The following AKAP4 variants were observed in gnomAD, a reference collection of about 807,000 sequenced individuals.
The protein encoded by AKAP4 is A-kinase anchoring protein 4.
In AKAP4, 4 loss-of-function variants were observed where a neutral mutation model predicts 42.6. The observed-to-expected ratio is 0.09, with a 90% CI of 0.05 to 0.22. The LOEUF is 0.22. Among genes scored for constraint, AKAP4 ranks in the 10% least tolerant of loss-of-function variants. The pLI, the probability that AKAP4 is intolerant of heterozygous loss-of-function variation, is 1.00. For missense variants in AKAP4, 551 were observed against 630.7 expected, an observed-to-expected ratio of 0.87 and a Z score of 1.35; for synonymous variants, 223 against 233.0, an observed-to-expected ratio of 0.96 and a Z score of 0.39.
intron 4 of AKAP4, 41 bp downstream of exon 4, chrX:50,196,850 C>A (rs1557204401): frequency 9.8e-7 from 1 of 1,021,154 alleles, no homozygotes; most frequent in Non-Finnish European, 1.4e-6. Context: ...TCATTGAGCT[C>A]TGAGAATTAG....
chrX:50,197,447 C>G (rs932143632), intron 3 of AKAP4, 97 bp downstream of exon 3: 9 of 800,295 alleles, frequency 1.1e-5, no homozygotes, highest in Non-Finnish European at 1.4e-5. Context: ...TCCTCCTTTC[C>G]CCTCTCTCCC....
At chrX:50,198,606 C>T (rs782443328) in intron 2 of AKAP4, 51 bp downstream of exon 2, 3 of 975,805 alleles carry the variant, frequency 3.1e-6, no homozygotes, top group Non-Finnish European at 4.4e-6. Context: ...GATATCTATA[C>T]CCATATGCCA....
rs1569541742 is a variant in AKAP4 at position 50,192,983 on chromosome X, T to C, written c.1730A>G (p.Tyr577Cys). 1.7e-6 allele frequency: 2 copies of C among 1,211,906 alleles called. No homozygotes were observed. Among genetic ancestry groups the C allele is most frequent in the East Asian group, 5.9e-5 (2 of 33,836 alleles). ...TTCATATTGAGTACTCTGAGCCATA[T>C]AGCCCATGGTGGAACCAGGACAGTC... is the stretch of plus-strand genomic sequence containing the variant. Reference protein sequence around the residue: ...EEDCPGSTMGYMAQSTQYEKC... With the variant: ...EEDCPGSTMGCMAQSTQYEKC... The change falls in exon 5 of 6, where the codon TAT (tyrosine) becomes TGT (cysteine). Residue 577 changes from tyrosine (Y) to cysteine (C), a missense_variant. Physicochemically the swap from Tyr to Cys is radical, Grantham distance 194. Transcript: ENST00000358526.
rs1399391471 is a variant in AKAP4 at position 50,193,712 on chromosome X, A to G, written c.1001T>C (p.Met334Thr). 5 of 1,209,785 alleles carry G rather than the reference A, an allele frequency of 4.1e-6. No individual in the cohort carries two copies. The highest frequency in any genetic ancestry group is 1.7e-5 in the African/African-American group (1 of 57,324). ...AGATGCCACCTGATTTGCATAAACC[A>G]TGAGCCCCTTGCTGATGGAATCTGC... Reference protein sequence around the residue: ...EFADSISKGLMVYANQVASDM... With the variant: ...EFADSISKGLTVYANQVASDM... The change falls in exon 5 of 6, where the codon ATG (methionine) becomes ACG (threonine). Residue 334 changes from methionine to threonine, a missense_variant. Coordinates refer to ENST00000358526, the MANE Select transcript of AKAP4 (RefSeq NM_003886.3).
At chrX:50,195,030 T>C (rs1331164711) in intron 4 of AKAP4, among the ~76,000 whole-genome samples, 4 of 112,126 alleles carry the variant, frequency 3.6e-5, no homozygotes, top group Non-Finnish European at 7.5e-5. Context: ...AATCTGCATA[T>C]ATGTGTGTAA....
Position 50,200,750 on chromosome X carries a change from C to G in AKAP4, c.27+113G>C, listed in dbSNP as rs1557204779. On this transcript the variant is annotated intron_variant, in intron 1 of 5. Coordinates refer to ENST00000358526, the MANE Select transcript of AKAP4 (RefSeq NM_003886.3). ...TTGATCAAAATCTTTTCTGGGTATC[C>G]CAAATAAAAGTATGAAAATAGAAAC... The G allele has an allele frequency of 4.2e-6, 3 of 708,447 alleles. No homozygotes were observed. In the Admixed American group the frequency reaches 8.3e-5, roughly 20 times the overall value. 58.4% of individuals were successfully genotyped at this position (708,447 alleles called of 1,213,427 possible). A position where few individuals can be genotyped will look rare whatever the true frequency, so the allele number is the denominator to read the frequency against.
Position 50,192,828 on chromosome X carries a change from T to C in AKAP4, c.1885A>G (p.Ile629Val). 1 of 1,211,960 alleles carries C rather than the reference T, an allele frequency of 8.3e-7. No individual in the cohort carries two copies. The highest frequency in any genetic ancestry group is 1.1e-6 in the Non-Finnish European group (1 of 895,574). ...AGTTTCTGAATCAGCATTAGAACGA[T>C]GTTTGACATATCCATTTTCTGGGAG... ...LDSQKMDMSN[I>V]VLMLIQKLLN... The change falls in exon 5 of 6, where the codon ATC becomes GTC. Residue 629 changes from isoleucine (I) to valine (V), a missense_variant. Transcript: ENST00000358526.
rs782448133 is a variant in AKAP4 at position 50,192,325 on chromosome X, A to G, written c.2388T>C (p.Asp796=). ...FNVPMLYFMG[D]KDGQLEKLPQ... ...TTACCTTTTCCAGTTGTCCATCCTT[A>G]TCTCCCATGAAGTAGAGCATGGGCA... The change falls in exon 5 of 6, where the codon GAT becomes GAC. Residue 796 remains aspartate, a synonymous_variant. Coordinates refer to ENST00000358526, the MANE Select transcript of AKAP4 (RefSeq NM_003886.3). 5 of 1,195,680 alleles carry G rather than the reference A, an allele frequency of 4.2e-6. No individual in the cohort carries two copies. Among genetic ancestry groups the G allele is most frequent in the Non-Finnish European group, 5.6e-6 (5 of 889,112 alleles).
chrX:50,193,315 T>C lies in AKAP4; in HGVS notation c.1398A>G (p.Glu466=), dbSNP rs202187814. 38 of 1,209,912 alleles carry C rather than the reference T, an allele frequency of 3.1e-5. No homozygotes were observed. The Admixed American group carries it at 6.6e-4, about 21-fold the overall frequency. ...TCATTTCAGCTTTCATGGTGGAGAA[T>C]TCAAGACTCTGATTCCTGCATTTGG... is the stretch of plus-strand genomic sequence containing the variant. ...HDPKCRNQSL[E]FSTMKAEMKE... Residue 466 remains glutamate (E), a synonymous_variant, in exon 5 of 6, where the codon GAA becomes GAG. Coordinates refer to ENST00000358526, the MANE Select transcript of AKAP4 (RefSeq NM_003886.3).
chrX:50,192,841 C>A lies in AKAP4; in HGVS notation c.1872G>T (p.Met624Ile), dbSNP rs1557203859. ...GCATTAGAACGATGTTTGACATATC[C>A]ATTTTCTGGGAGTCCAGGTGTTGGT... ...KENQHLDSQK[M>I]DMSNIVLMLI... is the part of the protein sequence containing the mutation. The change falls in exon 5 of 6, where the codon ATG becomes ATT. Residue 624 changes from methionine (M) to isoleucine (I), a missense_variant. Coordinates refer to ENST00000358526, the MANE Select transcript of AKAP4 (RefSeq NM_003886.3). 1 of 1,211,732 alleles carries A rather than the reference C, an allele frequency of 8.3e-7. No individual in the cohort carries two copies. The highest frequency in any genetic ancestry group is 2.2e-5 in the Admixed American group (1 of 46,022).
chrX:50,198,377 A>G lies in AKAP4; in HGVS notation c.123+280T>C, dbSNP rs782602022. ...ATATTATTATGACTTAAGAGGTCTT[A>G]ACTAATAGAGGCTGGTTGCCAGGCA... is the stretch of plus-strand genomic sequence containing the variant. On this transcript the variant is annotated intron_variant, in intron 2 of 5. Coordinates refer to ENST00000358526, the MANE Select transcript of AKAP4 (RefSeq NM_003886.3). 3.6e-5 allele frequency among the ~76,000 whole-genome samples: 4 copies of G among 109,794 alleles called. No homozygotes were observed. In the Admixed American group the frequency reaches 3.9e-4, roughly 11 times the overall value.
At chrX:50,197,437 T>C in intron 3 of AKAP4, 107 bp downstream of exon 3, 3 of 642,610 alleles carry the variant, frequency 4.7e-6, no homozygotes, top group Non-Finnish European at 4.7e-6. Flanking sequence ...CTGAGTCCCC[T>C]CCTCCTTTCC....
In AKAP4 at chrX:50,193,681, C is replaced by G. The variant is rs1557204021; in HGVS notation, c.1032G>C (p.Met344Ile). Residue 344 changes from methionine (M) to isoleucine (I), a missense_variant, in exon 5 of 6, where the codon ATG becomes ATC. Physicochemically the swap from Met to Ile is conservative, Grantham distance 10. Coordinates refer to ENST00000358526, the MANE Select transcript of AKAP4 (RefSeq NM_003886.3). ...TCAAGGTCTTCATGAGAGAGACCAT[C>G]ATGTCAGATGCCACCTGATTTGCAT... ...MVYANQVASD[M>I]MVSLMKTLKV... 1 of 1,210,468 alleles carries G rather than the reference C, an allele frequency of 8.3e-7. No individual in the cohort carries two copies. The highest frequency in any genetic ancestry group is 1.8e-5 in the South Asian group (1 of 56,755).
In AKAP4 at chrX:50,197,024, G is replaced by A. The variant is rs369965111; in HGVS notation, c.175-32C>T. ...AATTAAAGGGTGAGATTCTTAAACA[G>A]TTACTTTTGGATATTTCTCCAAGCT... is the stretch of plus-strand genomic sequence containing the variant. On this transcript the variant is annotated intron_variant, in intron 3 of 5. Transcript: ENST00000358526. 9.7e-5 allele frequency: 101 copies of A among 1,044,880 alleles called. 1 individual carries two copies. In the African/African-American group the frequency reaches 1.5e-3, roughly 15 times the overall value. The allele number at this position is 1,044,880 out of a possible 1,213,427, so 86.1% of individuals were successfully genotyped here.
At chrX:50,200,782 G>C (rs1557204784) in intron 1 of AKAP4, 81 bp downstream of exon 1, 6 of 928,758 alleles carry the variant, frequency 6.5e-6, no homozygotes, top group Non-Finnish European at 3.1e-6. Flanking sequence ...AAACTTGGAG[G>C]CTGCCTCAGC....
At position 50,192,800 on chromosome X, in the gene AKAP4, A is replaced by T. The variant is rs1382481826; in HGVS notation, c.1913T>A (p.Leu638His). The T allele has an allele frequency of 5.8e-6, 7 of 1,210,033 alleles. No individual in the cohort carries two copies. The East Asian group carries it at 2.1e-4, about 36-fold the overall frequency. The change falls in exon 5 of 6, where the codon CTT becomes CAT. Residue 638 changes from leucine (L) to histidine (H), a missense_variant. Transcript: ENST00000358526. ...NIVLMLIQKL[L>H]NENPFKCEDP... ...CTCACATTTGAAGGGGTTCTCATTA[A>T]GCAGTTTCTGAATCAGCATTAGAAC...
Position 50,192,501 on chromosome X carries a change from C to T in AKAP4, c.2212G>A (p.Gly738Ser), listed in dbSNP as rs1557203756. 4.1e-6 allele frequency: 5 copies of T among 1,211,124 alleles called. No individual in the cohort carries two copies. In the Admixed American group the frequency reaches 1.1e-4, roughly 26 times the overall value. The change falls in exon 5 of 6, where the codon GGC (glycine) becomes AGC (serine). Residue 738 changes from glycine (G) to serine (S), a missense_variant. Physicochemically the swap from Gly to Ser is moderately conservative, Grantham distance 56. Coordinates refer to ENST00000358526, the MANE Select transcript of AKAP4 (RefSeq NM_003886.3). Reference sequence around the variant, plus strand: ...GCACCACTGTGAATGCATCTGGTGCCCCTGAAATTGGGCTTATTTGCCGAG... The same window carrying T: ...GCACCACTGTGAATGCATCTGGTGCTCCTGAAATTGGGCTTATTTGCCGAG... The part of the protein sequence containing the change: ...AASANKPNFR[G>S]TRCIHSGAMP...
At position 50,194,410 on chromosome X, in the gene AKAP4, T is replaced by A; in HGVS notation, c.303A>T (p.Lys101Asn). ...SKTEGSVCLF[K>N]QAPSDPVSVL... ...CACTTACAGGATCAGAGGGAGCTTG[T>A]TTGAAAAGGCATACAGATCCCTCTG... Residue 101 changes from lysine (K) to asparagine (N), a missense_variant, in exon 5 of 6, where the codon AAA (lysine) becomes AAT (asparagine). Transcript: ENST00000358526. The A allele has an allele frequency of 2.5e-6, 3 of 1,206,250 alleles. No individual in the cohort carries two copies. Among genetic ancestry groups the A allele is most frequent in the Middle Eastern group, 5.2e-4 (2 of 3,819 alleles).
In AKAP4 at chrX:50,194,137, T is replaced by C. The variant is rs924379463; in HGVS notation, c.576A>G (p.Ser192=). 3 of 1,209,937 alleles carry C rather than the reference T, an allele frequency of 2.5e-6. No individual in the cohort carries two copies. The African/African-American group carries it at 5.3e-5, about 21-fold the overall frequency. ...TGCTAGGAGGTTTGGCTGGAGGAGCTGAAGGACTTTGATTATTGTTGGTGT... is the reference window on the plus strand; with the variant it reads ...TGCTAGGAGGTTTGGCTGGAGGAGCCGAAGGACTTTGATTATTGTTGGTGT... ...AKNTNNNQSP[S]APPAKPPSTQ... Residue 192 remains serine (S), a synonymous_variant, in exon 5 of 6, where the codon TCA becomes TCG. Coordinates refer to ENST00000358526, the MANE Select transcript of AKAP4 (RefSeq NM_003886.3).
Sources: allele counts gnomAD v4.1 joint callset (sites outside exome capture counted in the v4.1 genomes callset), GRCh38; gene constraint gnomAD v4.1.1; transcripts MANE v1.5; gene names NCBI Gene and HGNC (gene_info 2026-07-23, HGNC 2026-07-21).